Variants in ASIP observed in about 807,000 individuals in gnomAD.
ASIP encodes agouti-signaling protein.
Under a neutral mutation model 10.3 loss-of-function variants are expected in ASIP, and 11 were observed. That is an observed-to-expected ratio of 1.07 (90% CI 0.68 to 1.78). ASIP has a LOEUF of 1.78. Ranked by LOEUF, ASIP falls within the 40% of genes most tolerant of loss-of-function variation. The pLI, the probability that ASIP is intolerant of heterozygous loss-of-function variation, is 0.00. For synonymous variants in ASIP, 70 were observed against 70.8 expected (o/e 0.99, Z 0.06); for missense variants, 180 against 169.2 (o/e 1.06, Z -0.35).
chr20:34,209,324 C>T (rs969885096), intron 1 of ASIP, among the ~76,000 whole-genome samples: 35 of 152,314 alleles, frequency 2.3e-4, no homozygotes, highest in East Asian at 7.7e-4. Flanking sequence ...TCCCACTCCA[C>T]GGAGCAGGCA....
chr20:34,262,907 A>G lies in ASIP; in HGVS notation c.222+14A>G, dbSNP rs1229453085. On this transcript the variant is annotated intron_variant, in intron 3 of 3. Coordinates refer to ENST00000374954, the MANE Select transcript of ASIP (RefSeq NM_001672.3). ...AGATCTTCTAAGGTAAGGGCAGGGAAGTTCTGGGAGTTCTCATTGTTGGGG... is the reference window on the plus strand; with the variant it reads ...AGATCTTCTAAGGTAAGGGCAGGGAGGTTCTGGGAGTTCTCATTGTTGGGG... 6.2e-7 allele frequency: 1 copy of G among 1,613,536 alleles called. No homozygotes were observed. The highest frequency in any genetic ancestry group is 1.7e-5 in the Admixed American group (1 of 60,022).
At chr20:34,249,817 C>T (rs1374681766) in intron 1 of ASIP, among the ~76,000 whole-genome samples, 1 of 152,174 alleles carries the variant, frequency 6.6e-6, no homozygotes, top group Non-Finnish European at 1.5e-5. Context: ...GGCCAGAGAA[C>T]CCATTATGGA....
chr20:34,262,644 T>A (rs2035713902), intron 2 of ASIP, among the ~76,000 whole-genome samples, 188 bp from the exon 3 acceptor site: 1 of 152,168 alleles, frequency 6.6e-6, no homozygotes, highest in South Asian at 2.1e-4. Context: ...TATCAGTGCC[T>A]GGCTCCAGGT....
intron 1 of ASIP, among the ~76,000 whole-genome samples, chr20:34,222,522 A>G (rs1164811939): frequency 6.6e-6 from 1 of 152,170 alleles, no homozygotes; most frequent in Non-Finnish European, 1.5e-5. Context: ...CTTGTAAAAT[A>G]TATATTTTTT....
At chr20:34,215,006 T>C in intron 1 of ASIP, 1 of 1,439,224 alleles carries the variant, frequency 6.9e-7, no homozygotes, top group Non-Finnish European at 9.8e-7. Context: ...CTGGCCAACA[T>C]CTTCTTCCTG....
chr20:34,219,076 T>G (rs1486095558), intron 1 of ASIP, among the ~76,000 whole-genome samples: 3 of 152,134 alleles, frequency 2.0e-5, no homozygotes, highest in Non-Finnish European at 4.4e-5. Context: ...TGTATAGACT[T>G]CCAAACACAT....
At chr20:34,263,500 G>A (rs2035731464) in intron 3 of ASIP, among the ~76,000 whole-genome samples, 1 of 152,012 alleles carries the variant, frequency 6.6e-6, no homozygotes, top group African/African-American at 2.4e-5. Flanking sequence ...GGGAGGTGGA[G>A]GTTGCAGTGA....
At chr20:34,214,312 G>A (rs2034993530) in intron 1 of ASIP, 4 of 1,342,942 alleles carry the variant, frequency 3.0e-6, no homozygotes, top group East Asian at 4.6e-5. Flanking sequence ...GGAACGTGCT[G>A]AGGTTCAACT....
At chr20:34,212,170 A>T (rs2034979014) in intron 1 of ASIP, among the ~76,000 whole-genome samples, 1 of 152,152 alleles carries the variant, frequency 6.6e-6, no homozygotes, top group Non-Finnish European at 1.5e-5. Flanking sequence ...TTTATTATTA[A>T]ACTCACCTAA....
At chr20:34,240,262 T>G (rs1207456198), upstream of ASIP, among the ~76,000 whole-genome samples, 1 of 152,200 alleles carries the variant, frequency 6.6e-6, no homozygotes, top group Non-Finnish European at 1.5e-5. Context: ...AAACTAGTCT[T>G]GGGGTTACAG....
chr20:34,236,660 A>G (rs1370615853), upstream of ASIP, among the ~76,000 whole-genome samples: 6 of 152,172 alleles, frequency 3.9e-5, no homozygotes, highest in African/African-American at 7.2e-5. Context: ...AAACCAGCCT[A>G]GGCAAGATGG....
Position 34,217,413 on chromosome 20 carries a change from G to C in ASIP, c.-11+22653G>C, listed in dbSNP as rs868826437. On this transcript the variant is annotated intron_variant, in intron 1 of 3. Transcript: ENST00000568305. ...ACATCTCGCCACTGCACTCCAGCCTGGGGGACAGAATGAGACTCCAACTCA... is the reference window on the plus strand; with the variant it reads ...ACATCTCGCCACTGCACTCCAGCCTCGGGGACAGAATGAGACTCCAACTCA... Among the ~76,000 whole-genome samples the C allele has an allele frequency of 3.3e-5, 5 of 150,820 alleles. No individual in the cohort carries two copies. The South Asian group carries it at 1.1e-3, about 32-fold the overall frequency.
At chr20:34,260,272 C>T in intron 1 of ASIP, 93 bp from the exon 2 acceptor site, 1 of 1,355,252 alleles carries the variant, frequency 7.4e-7, no homozygotes, top group Non-Finnish European at 1.0e-6. Flanking sequence ...AACAGGGTCA[C>T]AACACCAGCC....
At chr20:34,211,608 G>A (rs2034974820) in intron 1 of ASIP, among the ~76,000 whole-genome samples, 1 of 152,078 alleles carries the variant, frequency 6.6e-6, no homozygotes, top group African/African-American at 2.4e-5. Context: ...TTTTTCTCAG[G>A]TATTATTTGT....
At chr20:34,223,073 C>T (rs1053500785) in intron 1 of ASIP, among the ~76,000 whole-genome samples, 1 of 152,052 alleles carries the variant, frequency 6.6e-6, no homozygotes, top group Non-Finnish European at 1.5e-5. Context: ...TGAGGAGTGT[C>T]TCTGCCTGGC....
At chr20:34,206,920 T>A (rs1363354225) in intron 1 of ASIP, among the ~76,000 whole-genome samples, 1 of 152,236 alleles carries the variant, frequency 6.6e-6, no homozygotes, top group African/African-American at 2.4e-5. Context: ...ACAGTTAGGT[T>A]GATTTCATAT....
chr20:34,232,422 T>A (rs764943305), intron 1 of ASIP, among the ~76,000 whole-genome samples: 33 of 152,194 alleles, frequency 2.2e-4, no homozygotes, highest in Non-Finnish European at 5.9e-5. Flanking sequence ...CCACTTTGAT[T>A]AATCTGATTA....
chr20:34,205,889 A>T (rs1238738608), intron 1 of ASIP, among the ~76,000 whole-genome samples: 1 of 151,918 alleles, frequency 6.6e-6, no homozygotes, highest in Non-Finnish European at 1.5e-5. Flanking sequence ...TGCATTTACA[A>T]TCCTTTAGCT....
intron 3 of ASIP, among the ~76,000 whole-genome samples, chr20:34,268,357 G>A (rs2035824660): frequency 6.6e-6 from 1 of 152,238 alleles, no homozygotes; most frequent in East Asian, 1.9e-4. Flanking sequence ...AACAGGGGTC[G>A]GAGAGGCAAG....
Sources: allele counts gnomAD v4.1 joint callset (sites outside exome capture counted in the v4.1 genomes callset), GRCh38; gene constraint gnomAD v4.1.1; transcripts MANE v1.5; gene names NCBI Gene and HGNC (gene_info 2026-07-23, HGNC 2026-07-21).